EHD3: variants seen among roughly 807,000 people sequenced by gnomAD.
EHD3 encodes the protein EH domain containing 3.
Under a neutral mutation model 43.0 loss-of-function variants are expected in EHD3, and 17 were observed. The ratio of observed to expected loss-of-function variants is 0.40; its 90% confidence interval spans 0.27 to 0.59. The LOEUF is 0.59. Among genes scored for constraint, EHD3 ranks in the 20% least tolerant of loss-of-function variants. The pLI is 0.49. For missense variants in EHD3, 594 were observed against 705.6 expected (o/e 0.84, Z 1.79); for synonymous variants, 313 against 289.5 (o/e 1.08, Z -0.82).
chr2:31,260,951 C>G lies in EHD3; in HGVS notation c.915+29C>G. ...AGGCAGCCCCCTGGGAGGTGGGCAGCTTGGGCAGGGGCCCAGAGTTTGGGG... is the reference window on the plus strand; with the variant it reads ...AGGCAGCCCCCTGGGAGGTGGGCAGGTTGGGCAGGGGCCCAGAGTTTGGGG... On this transcript the variant is annotated intron_variant, in intron 4 of 5. Coordinates refer to ENST00000322054, the MANE Select transcript of EHD3 (RefSeq NM_014600.3). The surrounding 1 kb of genome is among the most constrained non-coding windows in gnomAD (Gnocchi z 4.6). 6.4e-7 allele frequency: 1 copy of G among 1,562,646 alleles called. No homozygotes were observed. Among genetic ancestry groups the G allele is most frequent in the Non-Finnish European group, 8.6e-7 (1 of 1,156,860 alleles).
In EHD3 at chr2:31,234,737, A is replaced by AT; in HGVS notation, c.118dup (p.Tyr40LeufsTer52). On this transcript the variant is annotated frameshift_variant, in exon 1 of 6. Transcript: ENST00000322054. LOFTEE classifies it high-confidence loss of function. ...AGCAAGCTGCTGCCCTTGGAAGAGC[A>AT]TTACCGCTTCCACGAGTTCCACTCG... The AT allele has an allele frequency of 6.2e-7, 1 of 1,614,172 alleles. No individual in the cohort carries two copies. The highest frequency in any genetic ancestry group is 8.5e-7 in the Non-Finnish European group (1 of 1,180,004).
rs114184213 is a variant in EHD3, at chr2:31,260,244, C to T, written c.503-266C>T. On this transcript the variant is annotated intron_variant, in intron 3 of 5. Coordinates refer to ENST00000322054, the MANE Select transcript of EHD3 (RefSeq NM_014600.3). This position sits in a 1 kb window ranked among gnomAD's most constrained non-coding sequence, Gnocchi z 4.6. ...CATTTACTGAGCACCTACTAAGTGC[C>T]GGATTCTAAGAGTATTTAATCTTCA... Among the ~76,000 whole-genome samples the T allele has an allele frequency of 5.9e-3, 905 of 152,116 alleles. 12 individuals are homozygous for T. Among genetic ancestry groups the T allele is most frequent in the African/African-American group, 0.019 (782 of 41,500 alleles).
intron 1 of EHD3, among the ~76,000 whole-genome samples, chr2:31,239,916 G>A (rs1480340416): frequency 6.6e-6 from 1 of 152,152 alleles, no homozygotes; most frequent in African/African-American, 2.4e-5. Context: ...ACGAAGGGGA[G>A]GGCTGGAGAA....
chr2:31,266,615 C>T lies in EHD3; in HGVS notation c.1519C>T (p.Leu507Phe), dbSNP rs2148725588. Residue 507 changes from leucine (L) to phenylalanine (F), a missense_variant, in exon 6 of 6, where the codon CTC becomes TTC. By Grantham distance (22) the Leu-to-Phe change is conservative. Transcript: ENST00000322054. This position sits in a 1 kb window ranked among gnomAD's most constrained non-coding sequence, Gnocchi z 5.1. The stretch of plus-strand genomic sequence containing the variant: ...CGACGAGTTTGCACTGGCCAACCAC[C>T]TCATCAAAGTCAAGCTGGAGGGGCA... ...DDDEFALANH[L>F]IKVKLEGHEL... The T allele has an allele frequency of 1.2e-6, 2 of 1,614,120 alleles. No homozygotes were observed. The highest frequency in any genetic ancestry group is 4.5e-5 in the East Asian group (2 of 44,870).
At chr2:31,256,748 C>G (rs1263712221) in intron 3 of EHD3, among the ~76,000 whole-genome samples, 2 of 152,242 alleles carry the variant, frequency 1.3e-5, no homozygotes, top group Non-Finnish European at 2.9e-5. Context: ...CAGCAAGTTG[C>G]AGGGACAGAG....
At chr2:31,245,553 A>ATATATATATATAT (rs1446415610) in intron 2 of EHD3, among the ~76,000 whole-genome samples, 24 of 35,070 alleles carry the variant, frequency 6.8e-4, no homozygotes, top group African/African-American at 1.4e-3. Context: ...ATATATATAT[A>ATATATATATATAT]TTTTTTTTTT....
rs192848173 is a variant in EHD3 at position 31,266,908 on chromosome 2, T to G, written c.*204T>G. The stretch of plus-strand genomic sequence containing the variant: ...GGGCACACCTCCAAGTTCTCGGGAT[T>G]AGAAGGACAAGAGCACTCCCAGGCC... On this transcript the variant is annotated 3_prime_UTR_variant, in exon 6 of 6. Transcript: ENST00000322054. The surrounding 1 kb of genome is among the most constrained non-coding windows in gnomAD (Gnocchi z 5.1). The G allele has an allele frequency of 3.9e-5, 25 of 644,746 alleles. No homozygotes were observed. In the Admixed American group the frequency reaches 5.5e-4, roughly 14 times the overall value. 39.9% of individuals were successfully genotyped at this position (644,746 alleles called of 1,614,324 possible).
At chr2:31,258,003 A>G (rs957472932) in intron 3 of EHD3, among the ~76,000 whole-genome samples, 2 of 152,200 alleles carry the variant, frequency 1.3e-5, no homozygotes, top group African/African-American at 4.8e-5. Context: ...AAGTTGGACC[A>G]TTGATGGCTA....
intron 4 of EHD3, 123 bp from the exon 5 acceptor site, chr2:31,261,426 C>T: frequency 2.5e-6 from 3 of 1,211,602 alleles, no homozygotes; most frequent in Middle Eastern, 2.1e-4. Flanking sequence ...GAAATTATTT[C>T]AAAAGTAGGA....
At position 31,266,761 on chromosome 2, in the gene EHD3, TACACAC is replaced by T. The variant is rs67643147; in HGVS notation, c.*85_*90del. The T allele has an allele frequency of 0.1, 121,453 of 1,177,092 alleles. 2,369 individuals are homozygous for T. The highest frequency in any genetic ancestry group is 0.15 in the African/African-American group (8,974 of 61,436). 72.9% of individuals were successfully genotyped at this position (1,177,092 alleles called of 1,614,324 possible). A position where few individuals can be genotyped will look rare whatever the true frequency, so the allele number is the denominator to read the frequency against. On this transcript the variant is annotated 3_prime_UTR_variant, in exon 6 of 6. Transcript: ENST00000322054. This position sits in a 1 kb window ranked among gnomAD's most constrained non-coding sequence, Gnocchi z 5.1. Reference sequence around the variant, plus strand: ...TAGAGGAGGAGATGGGAGCGGTGACTACACACACACACACACACACACACACACACA... The same window carrying T: ...TAGAGGAGGAGATGGGAGCGGTGACTACACACACACACACACACACACACA...
At chr2:31,237,588 A>G (rs1329001564) in intron 1 of EHD3, among the ~76,000 whole-genome samples, 1 of 152,100 alleles carries the variant, frequency 6.6e-6, no homozygotes. Context: ...TATTTTAAGT[A>G]GAGATGGGGT....
chr2:31,260,602 G>A lies in EHD3; in HGVS notation c.595G>A (p.Glu199Lys). 6.2e-7 allele frequency: 1 copy of A among 1,614,180 alleles called. No homozygotes were observed. Among genetic ancestry groups the A allele is most frequent in the Non-Finnish European group, 8.5e-7 (1 of 1,180,040 alleles). ...FDAHKLDISD[E>K]FSEVIKALKN... ...TGCCCACAAACTGGACATCTCTGAT[G>A]AGTTCTCAGAAGTCATCAAAGCCCT... is the stretch of plus-strand genomic sequence containing the variant. The change falls in exon 4 of 6, where the codon GAG becomes AAG. Residue 199 changes from glutamate (E) to lysine (K), a missense_variant. Around this residue, in one of 3 missense-constraint regions of EHD3, gnomAD observed 243 missense variants for 296.7 expected, o/e 0.82. Coordinates refer to ENST00000322054, the MANE Select transcript of EHD3 (RefSeq NM_014600.3). The surrounding 1 kb of genome is among the most constrained non-coding windows in gnomAD (Gnocchi z 4.6).
chr2:31,236,011 C>T (rs537987189), intron 1 of EHD3, among the ~76,000 whole-genome samples: 1 of 152,180 alleles, frequency 6.6e-6, no homozygotes, highest in Non-Finnish European at 1.5e-5. Flanking sequence ...GCAGGGGTAC[C>T]CTTATTCCTA....
chr2:31,267,830 G>C lies in EHD3; in HGVS notation c.*1126G>C, dbSNP rs1247640794. The C allele has an allele frequency of 6.6e-6, 1 of 152,242 alleles. No individual in the cohort carries two copies. Among genetic ancestry groups the C allele is most frequent in the Non-Finnish European group, 1.5e-5 (1 of 68,056 alleles). The allele number at this position is 152,242 out of a possible 1,614,324, so 9.4% of individuals were successfully genotyped here. The stretch of plus-strand genomic sequence containing the variant: ...CCAGGACAGGCTGGCAAGGGAGGAG[G>C]GCCGGCCAGCATTTGGTGGCCCATC... On this transcript the variant is annotated 3_prime_UTR_variant, in exon 6 of 6. Transcript: ENST00000322054.
chr2:31,260,364 C>A lies in EHD3; in HGVS notation c.503-146C>A. The A allele has an allele frequency of 1.3e-6, 1 of 776,798 alleles. No individual in the cohort carries two copies. Among genetic ancestry groups the A allele is most frequent in the Non-Finnish European group, 1.9e-6 (1 of 520,832 alleles). The allele number at this position is 776,798 out of a possible 1,614,324, so 48.1% of individuals were successfully genotyped here. On this transcript the variant is annotated intron_variant, in intron 3 of 5. Coordinates refer to ENST00000322054, the MANE Select transcript of EHD3 (RefSeq NM_014600.3). The surrounding 1 kb of genome is among the most constrained non-coding windows in gnomAD (Gnocchi z 4.6). ...GAGACATTGAGTAATTTGCTGGAGT[C>A]CAAACAGTTAAAATGTGGAGGAGCC...
rs770304508 is a variant in EHD3 at position 31,249,465 on chromosome 2, C to G, written c.499C>G (p.Arg167Gly). Residue 167 changes from arginine to glycine, a missense_variant, in exon 3 of 6, where the codon CGG (arginine) becomes GGG (glycine). This residue lies in a region of EHD3 where 243 missense variants were observed against 296.7 expected (regional missense o/e 0.82). Coordinates refer to ENST00000322054, the MANE Select transcript of EHD3 (RefSeq NM_014600.3). ...ILSGEKQRIS[R>G]GYDFAAVLEW... Reference sequence around the variant, plus strand: ...CTCTGGGGAGAAGCAGAGGATCAGCCGGGGTAAGCAACCTGCCTGAGGGGT... The same window carrying G: ...CTCTGGGGAGAAGCAGAGGATCAGCGGGGGTAAGCAACCTGCCTGAGGGGT... 3 of 1,613,978 alleles carry G rather than the reference C, an allele frequency of 1.9e-6. No homozygotes were observed. The highest frequency in any genetic ancestry group is 8.5e-7 in the Non-Finnish European group (1 of 1,179,936).
rs1336907078 is a variant in EHD3 at position 31,250,310 on chromosome 2, A to G, written c.502+842A>G. 2.8e-5 allele frequency among the ~76,000 whole-genome samples: 4 copies of G among 143,718 alleles called. No individual in the cohort carries two copies. In the South Asian group the frequency reaches 8.8e-4, roughly 32 times the overall value. 94.3% of individuals were successfully genotyped at this position (143,718 alleles called of 152,430 possible). On this transcript the variant is annotated intron_variant, in intron 3 of 5. Transcript: ENST00000322054. ...TGAGACAGAGTCTCAGTCTGTTGCC[A>G]GGCTGGAGTGCAGTGGCACGATCTC...
Position 31,234,477 on chromosome 2 carries a change from T to G in EHD3, c.-145T>G. The G allele has an allele frequency of 1.1e-6, 1 of 874,072 alleles. No homozygotes were observed. Among genetic ancestry groups the G allele is most frequent in the Non-Finnish European group, 1.7e-6 (1 of 579,984 alleles). 54.1% of individuals were successfully genotyped at this position (874,072 alleles called of 1,614,324 possible). The stretch of plus-strand genomic sequence containing the variant: ...TGCGCTCCCGGCCCTCCTAGCCGCG[T>G]GCCCGGGCCATGGTGCGGCTGAGCC... On this transcript the variant is annotated 5_prime_UTR_variant, in exon 1 of 6. Coordinates refer to ENST00000322054, the MANE Select transcript of EHD3 (RefSeq NM_014600.3).
chr2:31,257,407 C>G (rs1683771095), intron 3 of EHD3, among the ~76,000 whole-genome samples: 1 of 152,086 alleles, frequency 6.6e-6, no homozygotes, highest in African/African-American at 2.4e-5. Flanking sequence ...CTTAGGCTTC[C>G]CGGGCTCCAG....
Sources: gnomAD v4.1 joint callset for allele counts (sites outside exome capture counted in the v4.1 genomes callset) on GRCh38, gnomAD v4.1.1 for gene constraint, gnomAD v4.1.1 regional missense constraint, Gnocchi (gnomAD v3.1) non-coding constraint, MANE v1.5 for transcripts, NCBI Gene and HGNC (gene_info 2026-07-23, HGNC 2026-07-21) for gene names.